SLC67A1: variants seen among roughly 807,000 people sequenced by gnomAD.
SLC67A1 encodes solute carrier family 67 member A1.
chr11:2,909,092 C>T, the SLC67A1 span: 9 of 1,155,182 alleles, frequency 7.8e-6, no homozygotes, highest in Admixed American at 9.3e-5. Context: ...ATCCCCATCC[C>T]GCACTCCAGC....
the SLC67A1 span, chr11:2,919,318 G>A: frequency 1.2e-6 from 2 of 1,613,784 alleles, no homozygotes; most frequent in South Asian, 2.2e-5. Context: ...GCTCTTCATG[G>A]TCATGTTCTC....
At chr11:2,911,329 G>A in the SLC67A1 span, among the ~76,000 whole-genome samples, 1 of 152,130 alleles carries the variant, frequency 6.6e-6, no homozygotes, top group African/African-American at 2.4e-5. Context: ...TGATGTGGGA[G>A]CCAAGCACAC....
the SLC67A1 span, among the ~76,000 whole-genome samples, chr11:2,906,286 T>C: frequency 6.6e-6 from 1 of 152,204 alleles, no homozygotes; most frequent in Non-Finnish European, 1.5e-5. Context: ...TGTAAACTAG[T>C]TCAACCATTG....
chr11:2,902,044 G>A, the SLC67A1 span: 1 of 152,298 alleles, frequency 6.6e-6, no homozygotes, highest in Non-Finnish European at 1.5e-5. Flanking sequence ...CGGGCACCGG[G>A]CAGGATTCAA....
At chr11:2,909,040 G>A in the SLC67A1 span, among the ~76,000 whole-genome samples, 1 of 152,230 alleles carries the variant, frequency 6.6e-6, no homozygotes, top group Admixed American at 6.5e-5. Context: ...GCCCTGAGAG[G>A]AGGGAGGCCT....
chr11:2,909,702 C>CGCGTA, the SLC67A1 span: 6 of 1,531,140 alleles, frequency 3.9e-6, no homozygotes, highest in South Asian at 2.4e-5. Flanking sequence ...CCCTGGTCTC[C>CGCGTA]GCGTACGGGT....
the SLC67A1 span, among the ~76,000 whole-genome samples, chr11:2,905,523 T>C: frequency 6.6e-6 from 1 of 152,246 alleles, no homozygotes; most frequent in Non-Finnish European, 1.5e-5. Context: ...TTTTTATGGC[T>C]GCATAGTATT....
the SLC67A1 span, chr11:2,902,595 G>C: frequency 4.4e-5 from 43 of 985,360 alleles, no homozygotes; most frequent in Non-Finnish European, 4.9e-5. Context: ...TCGGGGCTCA[G>C]ATGTGCAGTC....
At chr11:2,921,825 A>C in the SLC67A1 span, 2 of 444,946 alleles carry the variant, frequency 4.5e-6, no homozygotes, top group East Asian at 7.2e-5. Flanking sequence ...TGTCCCACCG[A>C]GCCCATCCCC....
the SLC67A1 span, chr11:2,899,758 C>G: frequency 2.8e-6 from 4 of 1,435,130 alleles, no homozygotes; most frequent in Non-Finnish European, 3.6e-6. Flanking sequence ...CTCTGCTCAA[C>G]CAGTTCCCTG....
chr11:2,913,755 G>C, the SLC67A1 span, among the ~76,000 whole-genome samples: 1 of 152,186 alleles, frequency 6.6e-6, no homozygotes, highest in Non-Finnish European at 1.5e-5. Context: ...CTGTGGGTTC[G>C]CTCCTGGCAG....
the SLC67A1 span, chr11:2,903,506 A>G: frequency 6.2e-7 from 1 of 1,612,380 alleles, no homozygotes; most frequent in Non-Finnish European, 8.5e-7. Flanking sequence ...AACACACCCC[A>G]GCCCCTGCAG....
the SLC67A1 span, among the ~76,000 whole-genome samples, chr11:2,907,851 G>C: frequency 6.6e-6 from 1 of 152,204 alleles, no homozygotes; most frequent in South Asian, 2.1e-4. This position sits in a 1 kb window ranked among gnomAD's most constrained non-coding sequence, Gnocchi z 6.7. Flanking sequence ...CCTCTTGGAG[G>C]TCACTTGGGG....
chr11:2,922,210 G>A, the SLC67A1 span: 2 of 1,610,762 alleles, frequency 1.2e-6, no homozygotes, highest in Non-Finnish European at 1.7e-6. Flanking sequence ...CATGGTGAGG[G>A]CTCCCCGCTT....
the SLC67A1 span, chr11:2,918,150 C>T: frequency 2.6e-5 from 37 of 1,405,610 alleles, no homozygotes; most frequent in South Asian, 4.9e-5. Flanking sequence ...GTCCCAGCTG[C>T]GGCCAGGGCC....
At chr11:2,922,693 T>TGTGTGGGGG in the SLC67A1 span, 1 of 10,604 alleles carries the variant, frequency 9.4e-5, no homozygotes. Flanking sequence ...TTGAGTGGAG[T>TGTGTGGGGG]GGGTGGGGTG....
the SLC67A1 span, chr11:2,909,580 G>T: frequency 1.3e-6 from 2 of 1,527,862 alleles, no homozygotes; most frequent in East Asian, 2.5e-5. Context: ...GTCCCCAGCC[G>T]CCCAGATGGT....
chr11:2,909,401 C>T, the SLC67A1 span: 1 of 1,492,062 alleles, frequency 6.7e-7, no homozygotes, highest in Admixed American at 2.2e-5. Flanking sequence ...GGGTCGGGGG[C>T]AGCCTGCGGA....
chr11:2,921,837 G>A, the SLC67A1 span: 3 of 485,362 alleles, frequency 6.2e-6, no homozygotes, highest in Non-Finnish European at 1.1e-5. Context: ...CCCATCCCCG[G>A]TGTCCCTGGT....
Sources: gnomAD v4.1 joint callset for allele counts (sites outside exome capture counted in the v4.1 genomes callset) on GRCh38, gnomAD v4.1.1 for gene constraint, Gnocchi (gnomAD v3.1) non-coding constraint, MANE v1.5 for transcripts, NCBI Gene and HGNC (gene_info 2026-07-23, HGNC 2026-07-21) for gene names.